The following STXBP5L variants were observed in gnomAD, a reference collection of about 807,000 sequenced individuals.
The protein encoded by STXBP5L is syntaxin-binding protein 5-like.
STXBP5L carries 65 observed loss-of-function variants against 144.5 expected under a neutral mutation model. The ratio of observed to expected loss-of-function variants is 0.45; its 90% CI spans 0.37 to 0.55. The LOEUF (loss-of-function observed/expected upper bound fraction) is 0.55, where lower values mean the gene tolerates loss of function less well. Among genes scored for constraint, STXBP5L ranks in the 20% least tolerant of loss-of-function variants. The pLI is 0.00. For missense variants in STXBP5L, 1,298 were observed against 1,405.5 expected (o/e 0.92, Z 1.22); for synonymous variants, 505 against 469.6 (o/e 1.08, Z -0.97).
intron 2 of STXBP5L, among the ~76,000 whole-genome samples, chr3:120,947,464 A>G (rs1308691123): frequency 6.6e-6 from 1 of 151,812 alleles, no homozygotes; most frequent in Non-Finnish European, 1.5e-5. Flanking sequence ...TTCAAATTGA[A>G]ATATAACCCA....
At chr3:121,314,598 AGGG>A in intron 19 of STXBP5L, among the ~76,000 whole-genome samples, 1 of 137,802 alleles carries the variant, frequency 7.3e-6, no homozygotes, top group African/African-American at 2.8e-5. Context: ...GGAGAGGGAG[AGGG>A]AGAGGGAGAG....
At chr3:121,151,931 CATCTT>C (rs1358832429) in intron 7 of STXBP5L, among the ~76,000 whole-genome samples, 4 of 150,104 alleles carry the variant, frequency 2.7e-5, no homozygotes, top group African/African-American at 7.3e-5. Context: ...TTTTATTAAT[CATCTT>C]ATTTATTGAT....
chr3:120,976,992 G>C (rs1440403653), intron 3 of STXBP5L, among the ~76,000 whole-genome samples: 1 of 152,038 alleles, frequency 6.6e-6, no homozygotes, highest in South Asian at 2.1e-4. Flanking sequence ...GAATAGGTGT[G>C]GTGTGGTGCT....
At chr3:121,019,959 C>A (rs183233714) in intron 3 of STXBP5L, among the ~76,000 whole-genome samples, 9 of 152,212 alleles carry the variant, frequency 5.9e-5, no homozygotes, top group African/African-American at 2.2e-4. Flanking sequence ...TTCAGAAGGT[C>A]GACTACTTAG....
intron 3 of STXBP5L, among the ~76,000 whole-genome samples, chr3:120,967,684 G>A (rs1939766926): frequency 6.6e-6 from 1 of 152,034 alleles, no homozygotes; most frequent in Non-Finnish European, 1.5e-5. Context: ...GAGGTGCAGT[G>A]TTAGGCTGTT....
intron 9 of STXBP5L, among the ~76,000 whole-genome samples, chr3:121,177,912 G>T (rs982440244): frequency 6.6e-6 from 1 of 152,126 alleles, no homozygotes; most frequent in Non-Finnish European, 1.5e-5. Context: ...AACAAAATGT[G>T]GTATATACAT....
chr3:121,201,569 T>A (rs553257543), intron 9 of STXBP5L, among the ~76,000 whole-genome samples: 84 of 152,296 alleles, frequency 5.5e-4, no homozygotes, highest in Middle Eastern at 3.4e-3. Flanking sequence ...GCTAGCTGGT[T>A]ATTTTGTACA....
At chr3:121,088,063 C>A (rs929490352) in intron 5 of STXBP5L, among the ~76,000 whole-genome samples, 3 of 151,808 alleles carry the variant, frequency 2.0e-5, no homozygotes, top group African/African-American at 7.3e-5. Context: ...TTTAGAAGCT[C>A]CGGCAACAAA....
At chr3:121,004,685 G>T (rs1362396697) in intron 3 of STXBP5L, among the ~76,000 whole-genome samples, 1 of 152,140 alleles carries the variant, frequency 6.6e-6, no homozygotes, top group Non-Finnish European at 1.5e-5. Flanking sequence ...TTGGCTGTGG[G>T]TTTGTCATAG....
rs190288555 is a variant in STXBP5L, at chr3:121,329,057, T to A, written c.2176+10517T>A. Among the ~76,000 whole-genome samples, 537 of 152,072 alleles carry A rather than the reference T, an allele frequency of 3.5e-3. 14 individuals carry two copies. Among genetic ancestry groups the A allele is most frequent in the East Asian group, 1.2e-3 (6 of 5,186 alleles). ...TGCATATGTGTGTATGTATATATAT[T>A]ATATATATAATGTACATTTGTATCT... is the stretch of plus-strand genomic sequence containing the variant. On this transcript the variant is annotated intron_variant, in intron 20 of 26. Coordinates refer to ENST00000471454, the MANE Select transcript of STXBP5L (RefSeq NM_001308330.2).
intron 19 of STXBP5L, among the ~76,000 whole-genome samples, chr3:121,309,717 G>T (rs2043461329): frequency 6.6e-6 from 1 of 152,094 alleles, no homozygotes; most frequent in Non-Finnish European, 1.5e-5. Context: ...CAGGTTTACA[G>T]GTTGGAAGAC....
intron 5 of STXBP5L, among the ~76,000 whole-genome samples, chr3:121,093,457 A>T (rs1347589249): frequency 6.6e-6 from 1 of 152,192 alleles, no homozygotes; most frequent in African/African-American, 2.4e-5. Context: ...AGCTCCTGTT[A>T]TTGGTCTATT....
chr3:120,968,171 A>G (rs937757719), intron 3 of STXBP5L, among the ~76,000 whole-genome samples: 4 of 152,160 alleles, frequency 2.6e-5, no homozygotes, highest in African/African-American at 9.7e-5. Context: ...TTCTGTTCAG[A>G]TGATCTGTCT....
intron 22 of STXBP5L, among the ~76,000 whole-genome samples, chr3:121,397,094 C>T (rs771778066): frequency 6.6e-6 from 1 of 152,222 alleles, no homozygotes; most frequent in Non-Finnish European, 1.5e-5. Context: ...GAAGCTTTAC[C>T]ATTACTAGAC....
At chr3:120,987,102 A>T (rs1207565065) in intron 3 of STXBP5L, among the ~76,000 whole-genome samples, 3 of 152,038 alleles carry the variant, frequency 2.0e-5, no homozygotes, top group African/African-American at 7.2e-5. Flanking sequence ...AACTCCAGGT[A>T]AGATGGATTC....
intron 7 of STXBP5L, among the ~76,000 whole-genome samples, chr3:121,129,002 T>C (rs2044845620): frequency 1.3e-5 from 2 of 152,024 alleles, no homozygotes; most frequent in Admixed American, 6.6e-5. Flanking sequence ...CTGTTAGATA[T>C]AGGGTCAGAG....
chr3:121,010,141 G>T lies in STXBP5L; in HGVS notation c.288-31559G>T, dbSNP rs75831311. Among the ~76,000 whole-genome samples, 75 of 151,910 alleles carry T rather than the reference G, an allele frequency of 4.9e-4. No individual in the cohort carries two copies. The East Asian group carries it at 0.014, about 29-fold the overall frequency. On this transcript the variant is annotated intron_variant, in intron 3 of 26. Transcript: ENST00000471454. Reference sequence around the variant, plus strand: ...TATTAATTAATTGGGCATATGGGGGGCCATGATAGTGTTTTAAGTCTCCAA... The same window carrying T: ...TATTAATTAATTGGGCATATGGGGGTCCATGATAGTGTTTTAAGTCTCCAA...
chr3:121,051,189 T>C (rs1026728973), intron 5 of STXBP5L, among the ~76,000 whole-genome samples: 121 of 152,088 alleles, frequency 8.0e-4, no homozygotes, highest in Middle Eastern at 3.4e-3. Context: ...GACAGAAAGT[T>C]AACAAGGATA....
intron 7 of STXBP5L, among the ~76,000 whole-genome samples, chr3:121,135,449 G>C (rs955722607): frequency 6.6e-6 from 1 of 152,186 alleles, no homozygotes; most frequent in Non-Finnish European, 1.5e-5. Flanking sequence ...TGTAGAATCA[G>C]TGGGAGTGCT....
Sources: gnomAD v4.1 joint callset for allele counts (sites outside exome capture counted in the v4.1 genomes callset) on GRCh38, gnomAD v4.1.1 for gene constraint, MANE v1.5 for transcripts, NCBI Gene and HGNC (gene_info 2026-07-23, HGNC 2026-07-21) for gene names.